HS3ST4: variants seen among roughly 807,000 people sequenced by gnomAD.
HS3ST4 encodes the protein heparan sulfate-glucosamine 3-sulfotransferase 4.
A neutral mutation model predicts 29.2 loss-of-function variants in HS3ST4; 17 were observed. The ratio of observed to expected loss-of-function variants is 0.58; its 90% CI spans 0.40 to 0.87. The LOEUF is 0.87. HS3ST4 is among the 40% of genes least tolerant of loss of function. HS3ST4 has a pLI of 0.00. For synonymous variants in HS3ST4, 314 were observed against 285.7 expected (o/e 1.10, Z -1.00); for missense variants, 627 against 634.5 (o/e 0.99, Z 0.13).
At chr16:25,997,619 A>T (rs957285802) in intron 1 of HS3ST4, among the ~76,000 whole-genome samples, 3 of 152,126 alleles carry the variant, frequency 2.0e-5, no homozygotes, top group Non-Finnish European at 4.4e-5. Context: ...CCATCTATCA[A>T]CTCAGCAACC....
chr16:25,907,394 G>A (rs1192604583), intron 1 of HS3ST4, among the ~76,000 whole-genome samples: 1 of 152,046 alleles, frequency 6.6e-6, no homozygotes, highest in Non-Finnish European at 1.5e-5. Flanking sequence ...TCTAGGTGTT[G>A]GACGTGTTAC....
intron 1 of HS3ST4, among the ~76,000 whole-genome samples, chr16:25,895,027 T>C (rs113673656): frequency 6.6e-6 from 1 of 151,700 alleles, no homozygotes; most frequent in Non-Finnish European, 1.5e-5. Context: ...ATGAGAAAAA[T>C]GGTAATGGCA....
chr16:26,061,335 A>T (rs1440330790), intron 1 of HS3ST4, among the ~76,000 whole-genome samples: 1 of 152,248 alleles, frequency 6.6e-6, no homozygotes, highest in East Asian at 1.9e-4. Context: ...TACAGCATGT[A>T]CTTGTTGCTG....
chr16:26,045,244 T>C (rs1285995495), intron 1 of HS3ST4, among the ~76,000 whole-genome samples: 2 of 151,848 alleles, frequency 1.3e-5, no homozygotes, highest in African/African-American at 4.8e-5. Flanking sequence ...GTGAAAAGTA[T>C]CAGAAAAAAA....
intron 1 of HS3ST4, among the ~76,000 whole-genome samples, chr16:25,834,971 CAAT>C (rs1239316665): frequency 2.6e-5 from 4 of 151,890 alleles, no homozygotes; most frequent in Non-Finnish European, 5.9e-5. Context: ...ACACAAAAAA[CAAT>C]AAACCAACCA....
chr16:25,705,526 G>C (rs1444534380), intron 1 of HS3ST4, among the ~76,000 whole-genome samples: 1 of 152,058 alleles, frequency 6.6e-6, no homozygotes, highest in Non-Finnish European at 1.5e-5. Context: ...TTAGCTAGGC[G>C]TGGTGGCACG....
chr16:25,859,197 T>C (rs1967613389), intron 1 of HS3ST4, among the ~76,000 whole-genome samples: 1 of 152,200 alleles, frequency 6.6e-6, no homozygotes. Context: ...TAAGAAAAGG[T>C]ATGTTTGGCA....
intron 1 of HS3ST4, among the ~76,000 whole-genome samples, chr16:25,704,002 A>G (rs1445204771): frequency 1.3e-5 from 2 of 152,246 alleles, no homozygotes; most frequent in Non-Finnish European, 1.5e-5. Context: ...TAAACTGCAT[A>G]GGACCAGAAA....
chr16:26,071,606 C>A (rs370133122), intron 1 of HS3ST4, among the ~76,000 whole-genome samples: 10 of 152,086 alleles, frequency 6.6e-5, no homozygotes, highest in African/African-American at 2.4e-4. Context: ...GCAATAGAGT[C>A]GCACTGTTTA....
intron 1 of HS3ST4, among the ~76,000 whole-genome samples, chr16:25,881,634 C>A (rs1038846651): frequency 6.6e-6 from 1 of 152,080 alleles, no homozygotes; most frequent in East Asian, 1.9e-4. Context: ...AGTCTCTTAT[C>A]ATCGTGGGGC....
chr16:25,897,022 G>A (rs138258973), intron 1 of HS3ST4, among the ~76,000 whole-genome samples: 5 of 152,114 alleles, frequency 3.3e-5, no homozygotes, highest in Non-Finnish European at 5.9e-5. Context: ...AAGGGAACAC[G>A]GGTTGAAAAA....
intron 1 of HS3ST4, among the ~76,000 whole-genome samples, chr16:26,092,326 A>C (rs959608067): frequency 2.0e-5 from 3 of 152,122 alleles, no homozygotes; most frequent in Non-Finnish European, 4.4e-5. Flanking sequence ...TATGAACTTG[A>C]CCAAAGAGAA....
At chr16:26,028,008 C>G (rs946515863) in intron 1 of HS3ST4, among the ~76,000 whole-genome samples, 1 of 152,168 alleles carries the variant, frequency 6.6e-6, no homozygotes, top group African/African-American at 2.4e-5. Context: ...GAGCGGGGCT[C>G]ATGCCTGTAA....
At chr16:25,904,191 G>C (rs1322985585) in intron 1 of HS3ST4, among the ~76,000 whole-genome samples, 1 of 146,696 alleles carries the variant, frequency 6.8e-6, no homozygotes, top group Non-Finnish European at 1.5e-5. Flanking sequence ...TGGACGGATG[G>C]ACAGATGAAT....
chr16:26,004,065 A>T (rs768677476), intron 1 of HS3ST4, among the ~76,000 whole-genome samples: 1 of 152,106 alleles, frequency 6.6e-6, no homozygotes, highest in African/African-American at 2.4e-5. Context: ...ACTGTTTGAC[A>T]TATATTTACA....
chr16:25,844,790 A>G (rs930945273), intron 1 of HS3ST4, among the ~76,000 whole-genome samples: 4 of 152,332 alleles, frequency 2.6e-5, no homozygotes, highest in African/African-American at 9.6e-5. Flanking sequence ...TAGCAAAGAG[A>G]TGGAATCAAC....
intron 1 of HS3ST4, among the ~76,000 whole-genome samples, chr16:26,016,451 G>C (rs1043719991): frequency 1.3e-5 from 2 of 152,168 alleles, no homozygotes; most frequent in African/African-American, 2.4e-5. Flanking sequence ...ATTATACCAA[G>C]GAGAATGTTT....
At chr16:25,785,957 C>T (rs1449280556) in intron 1 of HS3ST4, among the ~76,000 whole-genome samples, 2 of 152,082 alleles carry the variant, frequency 1.3e-5, no homozygotes, top group Non-Finnish European at 2.9e-5. Context: ...ACAAGACTGG[C>T]AGTGGTGAAG....
intron 1 of HS3ST4, among the ~76,000 whole-genome samples, chr16:26,065,329 T>C (rs1007561872): frequency 1.3e-5 from 2 of 152,172 alleles, no homozygotes; most frequent in African/African-American, 4.8e-5. Flanking sequence ...TGCAGGGACA[T>C]GGATGGAGCT....
Sources: gnomAD v4.1 joint callset for allele counts (sites outside exome capture counted in the v4.1 genomes callset) on GRCh38, gnomAD v4.1.1 for gene constraint, MANE v1.5 for transcripts, NCBI Gene and HGNC (gene_info 2026-07-23, HGNC 2026-07-21) for gene names.